MYO16: variants seen among roughly 807,000 people sequenced by gnomAD.
The protein encoded by MYO16 is unconventional myosin-XVI.
In MYO16, 94 loss-of-function variants were observed where a neutral mutation model predicts 205.3. The observed-to-expected ratio is 0.46, with a 90% CI of 0.39 to 0.54. The LOEUF is 0.54. Ranked by LOEUF, MYO16 falls within the 20% of genes least tolerant of loss-of-function variation. The probability of loss-of-function intolerance (pLI) is 0.00; values close to 1 mark genes in which losing one functional copy is unlikely to be tolerated. For synonymous variants in MYO16, 988 were observed against 954.0 expected (o/e 1.04, Z -0.66); for missense variants, 2,315 against 2,387.5 (o/e 0.97, Z 0.63).
intron 15 of MYO16, among the ~76,000 whole-genome samples, chr13:108,904,840 C>G (rs939347205): frequency 5.3e-5 from 8 of 152,106 alleles, no homozygotes; most frequent in African/African-American, 1.9e-4. Flanking sequence ...ACAATTCTTT[C>G]TCTTCTACAC....
Position 109,055,507 on chromosome 13 carries a change from C to T in MYO16, c.3247C>T (p.Gln1083Ter). 6.2e-7 allele frequency: 1 copy of T among 1,613,156 alleles called. No homozygotes were observed. The highest frequency in any genetic ancestry group is 8.5e-7 in the Non-Finnish European group (1 of 1,179,382). The change falls in exon 27 of 35, where the codon CAG becomes TAG. Residue 1083 changes from glutamine (Q) to a stop codon, truncating the protein, a stop_gained. Coordinates refer to ENST00000457511, the MANE Select transcript of MYO16 (RefSeq NM_001198950.3). LOFTEE classifies it high-confidence loss of function. This position sits in a 1 kb window ranked among gnomAD's most constrained non-coding sequence, Gnocchi z 5.0. ...DTFDNFYVSAQLQYIGVLEMV... is the reference protein window; with the variant it reads ...DTFDNFYVSA ...TTTTGATAATTTTTACGTGTCTGCT[C>T]AGCTACAATATATTGGGGTCCTGGA...
intron 15 of MYO16, among the ~76,000 whole-genome samples, chr13:108,907,415 T>C (rs1384181443): frequency 3.9e-5 from 6 of 152,180 alleles, no homozygotes; most frequent in Non-Finnish European, 4.4e-5. Flanking sequence ...TCTTGAGAAG[T>C]CAGGAGCTCA....
the MYO16 span, among the ~76,000 whole-genome samples, chr13:108,587,017 G>A: frequency 6.6e-6 from 1 of 152,190 alleles, no homozygotes; most frequent in Non-Finnish European, 1.5e-5. Flanking sequence ...CACTGAGACA[G>A]CAAGTGTTGC....
At chr13:108,508,420 T>C in the MYO16 span, among the ~76,000 whole-genome samples, 1 of 152,202 alleles carries the variant, frequency 6.6e-6, no homozygotes, top group African/African-American at 2.4e-5. Flanking sequence ...TTTGCTTGTT[T>C]CTTTTCTTGG....
At chr13:109,001,600 C>T (rs28575445) in intron 21 of MYO16, among the ~76,000 whole-genome samples, 3 of 152,106 alleles carry the variant, frequency 2.0e-5, no homozygotes, top group African/African-American at 7.2e-5. Context: ...AAGAGAGATG[C>T]TATCCCCTCA....
At chr13:108,864,901 C>A (rs553023560) in intron 11 of MYO16, among the ~76,000 whole-genome samples, 2 of 152,118 alleles carry the variant, frequency 1.3e-5, no homozygotes, top group African/African-American at 4.8e-5. Context: ...TTAACATATC[C>A]ATCACCTCAC....
intron 2 of MYO16, among the ~76,000 whole-genome samples, chr13:108,703,060 T>C (rs752012221): frequency 6.6e-6 from 1 of 151,822 alleles, no homozygotes; most frequent in Non-Finnish European, 1.5e-5. Flanking sequence ...AAAAGCAAAA[T>C]GGTAGGCATA....
intron 4 of MYO16, among the ~76,000 whole-genome samples, chr13:108,741,355 T>C (rs1342984675): frequency 2.6e-5 from 4 of 152,140 alleles, no homozygotes; most frequent in African/African-American, 4.8e-5. Context: ...GACTAACACA[T>C]ATAGTTTCTT....
At chr13:108,963,241 TAC>T (rs1304512921) in intron 19 of MYO16, among the ~76,000 whole-genome samples, 1 of 152,222 alleles carries the variant, frequency 6.6e-6, no homozygotes, top group Non-Finnish European at 1.5e-5. Flanking sequence ...TCTAAATCGC[TAC>T]TATTCTTTCT....
At chr13:108,807,843 A>G (rs1346161746) in intron 7 of MYO16, among the ~76,000 whole-genome samples, 2 of 152,152 alleles carry the variant, frequency 1.3e-5, no homozygotes, top group African/African-American at 2.4e-5. Context: ...TAATTTCTTA[A>G]AGTCTTGTTA....
At chr13:108,967,082 G>C (rs1032216815) in intron 20 of MYO16, among the ~76,000 whole-genome samples, 1 of 151,606 alleles carries the variant, frequency 6.6e-6, no homozygotes, top group South Asian at 2.1e-4. Context: ...TATACCTTGC[G>C]ATAGAATAGA....
rs1381475622 is a variant in MYO16, at chr13:109,128,344, T to TAG, written c.4051+796_4051+797dup. ...GATTGTTGCTGCTGAGAGAAATACATAGACCCAGGGTAGTAGTACAGGATG... is the reference window on the plus strand; with the variant it reads ...GATTGTTGCTGCTGAGAGAAATACATAGAGACCCAGGGTAGTAGTACAGGATG... On this transcript the variant is annotated intron_variant, in intron 31 of 34. Transcript: ENST00000457511. Among the ~76,000 whole-genome samples the TAG allele has an allele frequency of 2.6e-5, 4 of 152,306 alleles. No individual in the cohort carries two copies. In the East Asian group the frequency reaches 7.7e-4, roughly 29 times the overall value.
chr13:108,780,405 T>C (rs2138907644), intron 4 of MYO16, among the ~76,000 whole-genome samples: 1 of 150,752 alleles, frequency 6.6e-6, no homozygotes, highest in East Asian at 1.9e-4. Flanking sequence ...CATTAGGCTT[T>C]TTGCATCTCT....
intron 1 of MYO16, among the ~76,000 whole-genome samples, chr13:108,608,336 G>T (rs931872146): frequency 6.6e-6 from 1 of 152,100 alleles, no homozygotes; most frequent in African/African-American, 2.4e-5. Context: ...CTAATAATTT[G>T]CCATTATATA....
At chr13:109,120,550 G>A (rs907542899) in intron 29 of MYO16, 84 bp downstream of exon 29, 9 of 994,864 alleles carry the variant, frequency 9.0e-6, no homozygotes, top group Admixed American at 6.4e-5. Flanking sequence ...TTTAAATGTC[G>A]ATGGGGTCTG....
In MYO16 at chr13:109,030,853, G is replaced by A. The variant is rs137949269; in HGVS notation, c.2796+10942G>A. 4.6e-4 allele frequency among the ~76,000 whole-genome samples: 70 copies of A among 152,122 alleles called. 2 individuals are homozygous for A. The highest frequency in any genetic ancestry group is 1.6e-3 in the African/African-American group (67 of 41,506). ...AGTAAAAAAGAAAATAAATAAAGCT[G>A]ATTTTTTGTATTTGTCCCCCCTTTC... On this transcript the variant is annotated intron_variant, in intron 23 of 34. Coordinates refer to ENST00000457511, the MANE Select transcript of MYO16 (RefSeq NM_001198950.3).
At chr13:108,662,687 G>A (rs1181345549) in intron 1 of MYO16, among the ~76,000 whole-genome samples, 2 of 152,124 alleles carry the variant, frequency 1.3e-5, no homozygotes, top group Admixed American at 6.5e-5. Context: ...AAACTTGCCC[G>A]AGGCTATCCA....
chr13:109,140,440 ACC>A lies in MYO16; in HGVS notation c.4232_4233del (p.Pro1411ArgfsTer15). On this transcript the variant is annotated frameshift_variant, in exon 32 of 35. Transcript: ENST00000457511. LOFTEE classifies it high-confidence loss of function. This position sits in a 1 kb window ranked among gnomAD's most constrained non-coding sequence, Gnocchi z 8.0. ...GAPGAAARVL[T>X]PGTPQCALPP... ...CCCGGGGGCAGCAGCGCGCGTTCTG[ACC>A]CCCGGGACTCCGCAGTGCGCGCTGC... The A allele has an allele frequency of 6.4e-7, 1 of 1,550,578 alleles. No individual in the cohort carries two copies. The highest frequency in any genetic ancestry group is 8.6e-7 in the Non-Finnish European group (1 of 1,156,184).
At chr13:108,772,017 G>T (rs1392964202) in intron 4 of MYO16, among the ~76,000 whole-genome samples, 9 of 152,300 alleles carry the variant, frequency 5.9e-5, no homozygotes, top group South Asian at 2.1e-4. Flanking sequence ...ATACCAAGGG[G>T]CATGATTTCT....
Sources: allele counts gnomAD v4.1 joint callset (sites outside exome capture counted in the v4.1 genomes callset), GRCh38; gene constraint gnomAD v4.1.1; non-coding constraint Gnocchi (gnomAD v3.1); transcripts MANE v1.5; gene names NCBI Gene and HGNC (gene_info 2026-07-23, HGNC 2026-07-21).